LRRTM4: variants seen among roughly 807,000 people sequenced by gnomAD.
The protein encoded by LRRTM4 is leucine rich repeat transmembrane neuronal 4.
Under a neutral mutation model 47.6 loss-of-function variants are expected in LRRTM4, and 25 were observed. The ratio of observed to expected loss-of-function variants is 0.53; its 90% CI spans 0.38 to 0.73. LRRTM4 has a LOEUF of 0.73. LRRTM4 is among the 30% of genes least tolerant of loss of function. The pLI, the probability that LRRTM4 is intolerant of heterozygous loss-of-function variation, is 0.00. For synonymous variants in LRRTM4, 311 were observed against 269.5 expected (o/e 1.15, Z -1.51); for missense variants, 638 against 713.4 (o/e 0.89, Z 1.20).
intron 3 of LRRTM4, among the ~76,000 whole-genome samples, chr2:77,194,032 A>G (rs1673747493): frequency 6.6e-6 from 1 of 152,194 alleles, no homozygotes; most frequent in Admixed American, 6.5e-5. Context: ...TACATCTTCC[A>G]GTATTCAGTT....
chr2:77,497,089 GT>G, intron 3 of LRRTM4, among the ~76,000 whole-genome samples: 1 of 151,580 alleles, frequency 6.6e-6, no homozygotes, highest in Admixed American at 6.6e-5. Context: ...GCAAAAAGAT[GT>G]TTATTATATT....
chr2:77,014,599 G>T (rs988682800), intron 3 of LRRTM4, among the ~76,000 whole-genome samples: 1 of 151,670 alleles, frequency 6.6e-6, no homozygotes, highest in Admixed American at 6.6e-5. Flanking sequence ...ATCGCCTGAG[G>T]TCAGGAGTTT....
intron 3 of LRRTM4, among the ~76,000 whole-genome samples, chr2:77,019,974 T>A (rs1405595538): frequency 6.6e-6 from 1 of 151,994 alleles, no homozygotes; most frequent in African/African-American, 2.4e-5. Context: ...AAAAAAATGG[T>A]GACCTGTGTT....
intron 3 of LRRTM4, among the ~76,000 whole-genome samples, chr2:77,454,141 AATT>A (rs1676370769): frequency 6.6e-6 from 1 of 152,240 alleles, no homozygotes; most frequent in African/African-American, 2.4e-5. Flanking sequence ...GTAATTGGTC[AATT>A]ATTCTATAAT....
At chr2:76,751,462 G>T (rs1260386890) in intron 3 of LRRTM4, among the ~76,000 whole-genome samples, 1 of 152,120 alleles carries the variant, frequency 6.6e-6, no homozygotes, top group African/African-American at 2.4e-5. Flanking sequence ...GGTCAGAGTT[G>T]TGATTGATAG....
chr2:77,050,308 T>C (rs1370522574), intron 3 of LRRTM4, among the ~76,000 whole-genome samples: 1 of 152,144 alleles, frequency 6.6e-6, no homozygotes, highest in East Asian at 1.9e-4. Context: ...CACTTTTGGA[T>C]GGGCCACTGG....
intron 3 of LRRTM4, among the ~76,000 whole-genome samples, chr2:77,264,415 C>T (rs79960038): frequency 6.6e-6 from 1 of 151,992 alleles, no homozygotes; most frequent in Non-Finnish European, 1.5e-5. Flanking sequence ...CAGATCCATA[C>T]CCCATCCTTA....
chr2:76,792,687 T>C lies in LRRTM4; in HGVS notation c.1552-43771A>G, dbSNP rs144867849. On this transcript the variant is annotated intron_variant, in intron 3 of 3. Coordinates refer to ENST00000409884, the MANE Select transcript of LRRTM4 (RefSeq NM_001134745.3). ...TGAATACTAGATGAAGACCCTCTTA[T>C]AGACTTGTAGAATTCTTTGTGCCAC... is the stretch of plus-strand genomic sequence containing the variant. Among the ~76,000 whole-genome samples the C allele has an allele frequency of 2.4e-3, 362 of 151,218 alleles. 6 individuals are homozygous for C. Among genetic ancestry groups the C allele is most frequent in the African/African-American group, 8.5e-3 (346 of 40,624 alleles).
intron 3 of LRRTM4, among the ~76,000 whole-genome samples, chr2:76,749,424 T>A (rs1011779772): frequency 2.6e-5 from 4 of 152,128 alleles, no homozygotes; most frequent in Non-Finnish European, 4.4e-5. Flanking sequence ...TTTTATTTGA[T>A]ACCTATACAC....
chr2:77,041,060 A>G (rs1404710001), intron 3 of LRRTM4, among the ~76,000 whole-genome samples: 1 of 150,750 alleles, frequency 6.6e-6, no homozygotes, highest in Non-Finnish European at 1.5e-5. Context: ...TCATCAACCA[A>G]CCCCTCCCCA....
At chr2:76,852,493 ATAGTT>A (rs1672027243) in intron 3 of LRRTM4, among the ~76,000 whole-genome samples, 1 of 152,194 alleles carries the variant, frequency 6.6e-6, no homozygotes, top group Admixed American at 6.5e-5. Flanking sequence ...ACTTTTCTGA[ATAGTT>A]TAGTGAATTT....
intron 3 of LRRTM4, among the ~76,000 whole-genome samples, chr2:77,457,001 TG>T (rs1676576681): frequency 1.5e-4 from 4 of 25,922 alleles, no homozygotes; most frequent in African/African-American, 5.7e-4. Context: ...TATGTGTGTG[TG>T]TGTATATATA....
intron 3 of LRRTM4, among the ~76,000 whole-genome samples, chr2:76,951,376 AC>A (rs1218031654): frequency 6.6e-6 from 1 of 152,016 alleles, no homozygotes. Context: ...CTATAAAAAA[AC>A]AATTTATTTC....
intron 3 of LRRTM4, among the ~76,000 whole-genome samples, chr2:76,779,201 T>C (rs910728721): frequency 6.6e-6 from 1 of 152,084 alleles, no homozygotes; most frequent in African/African-American, 2.4e-5. Flanking sequence ...ATGTTTGGAA[T>C]AGGTGTGGTG....
chr2:77,387,745 C>A (rs1673340099), intron 3 of LRRTM4, among the ~76,000 whole-genome samples: 1 of 152,074 alleles, frequency 6.6e-6, no homozygotes, highest in Non-Finnish European at 1.5e-5. Flanking sequence ...TCCCTAAAGG[C>A]AATCATTCTA....
At chr2:76,989,027 A>C (rs981417267) in intron 3 of LRRTM4, among the ~76,000 whole-genome samples, 1 of 151,700 alleles carries the variant, frequency 6.6e-6, no homozygotes, top group African/African-American at 2.4e-5. Flanking sequence ...TTTTACTTCA[A>C]GCATCTTATC....
chr2:76,872,238 A>T (rs1297579000), intron 3 of LRRTM4, among the ~76,000 whole-genome samples: 1 of 152,182 alleles, frequency 6.6e-6, no homozygotes, highest in Non-Finnish European at 1.5e-5. Context: ...CATCTTAAGG[A>T]TACGTTAAAA....
chr2:77,454,405 C>T (rs1208179846), intron 3 of LRRTM4, among the ~76,000 whole-genome samples: 1 of 151,972 alleles, frequency 6.6e-6, no homozygotes, highest in Middle Eastern at 3.2e-3. Context: ...TTGTTAGTGA[C>T]TTTTCTTTAC....
chr2:76,810,877 C>T (rs764058503), intron 3 of LRRTM4, among the ~76,000 whole-genome samples: 9 of 152,108 alleles, frequency 5.9e-5, no homozygotes, highest in African/African-American at 1.2e-4. Flanking sequence ...CACAACATTA[C>T]ACACTATCTT....
Sources: allele counts gnomAD v4.1 joint callset (sites outside exome capture counted in the v4.1 genomes callset), GRCh38; gene constraint gnomAD v4.1.1; transcripts MANE v1.5; gene names NCBI Gene and HGNC (gene_info 2026-07-23, HGNC 2026-07-21).